Variants in DPYD observed in about 807,000 individuals in gnomAD.
The protein encoded by DPYD is dihydropyrimidine dehydrogenase [NADP(+)].
A neutral mutation model predicts 116.2 loss-of-function variants in DPYD; 109 were observed. That is an observed-to-expected ratio of 0.94 (90% CI 0.80 to 1.10). The LOEUF (loss-of-function observed/expected upper bound fraction) is 1.10, where lower values mean the gene tolerates loss of function less well. Ranked by LOEUF, DPYD falls within the 50% of genes least tolerant of loss-of-function variation. The pLI, the probability that DPYD is intolerant of heterozygous loss-of-function variation, is 0.00. For synonymous variants in DPYD, 440 were observed against 432.0 expected (o/e 1.02, Z -0.23); for missense variants, 1,302 against 1,254.5 (o/e 1.04, Z -0.57).
chr1:97,213,012 G>A (rs188760673), intron 19 of DPYD, among the ~76,000 whole-genome samples: 4 of 152,214 alleles, frequency 2.6e-5, no homozygotes, highest in Admixed American at 2.6e-4. Context: ...AAGGTGTCTG[G>A]TGAAGACTTG....
At chr1:97,780,812 C>T (rs371337818) in intron 3 of DPYD, among the ~76,000 whole-genome samples, 2 of 152,186 alleles carry the variant, frequency 1.3e-5, no homozygotes, top group Admixed American at 6.6e-5. Context: ...AAAATTTGGT[C>T]GCTCAATTTG....
At position 97,856,086 on chromosome 1, in the gene DPYD, C is replaced by A. The variant is rs986961139; in HGVS notation, c.150+27178G>T. The A allele has an allele frequency of 4.6e-5, 7 of 152,068 alleles. 1 individual carries two copies. The South Asian group carries it at 1.2e-3, about 27-fold the overall frequency. 9.4% of individuals were successfully genotyped at this position (152,068 alleles called of 1,614,324 possible). A position where few individuals can be genotyped will look rare whatever the true frequency, so the allele number is the denominator to read the frequency against. On this transcript the variant is annotated intron_variant, in intron 2 of 22. Coordinates refer to ENST00000370192, the MANE Select transcript of DPYD (RefSeq NM_000110.4). ...AATGGAGCTGAGTTATTTAGAAAAT[C>A]TTGATTCAAAAAACATGAATGCTCA... is the stretch of plus-strand genomic sequence containing the variant.
intron 12 of DPYD, among the ~76,000 whole-genome samples, chr1:97,518,897 A>T (rs1467254240): frequency 3.3e-5 from 5 of 152,134 alleles, no homozygotes. Flanking sequence ...ATAATATTAT[A>T]TGTAAATTCC....
chr1:97,618,292 CA>C (rs71801601), intron 8 of DPYD, among the ~76,000 whole-genome samples: 22,904 of 149,834 alleles, frequency 0.15, 1,986 homozygotes, highest in African/African-American at 0.22. Flanking sequence ...CAGAAATTGA[CA>C]AAAAAAATCA....
intron 8 of DPYD, among the ~76,000 whole-genome samples, chr1:97,652,898 G>T (rs1658670451): frequency 6.6e-6 from 1 of 152,050 alleles, no homozygotes; most frequent in Admixed American, 6.5e-5. Flanking sequence ...CCCTCAGCAT[G>T]CTTCCTAGGC....
chr1:97,553,195 T>C (rs1162536985), intron 11 of DPYD, among the ~76,000 whole-genome samples: 1 of 151,988 alleles, frequency 6.6e-6, no homozygotes, highest in Non-Finnish European at 1.5e-5. Flanking sequence ...ATTTGATTCA[T>C]ACTATATATG....
intron 13 of DPYD, among the ~76,000 whole-genome samples, chr1:97,464,005 G>A (rs140345556): frequency 1.1e-3 from 171 of 152,182 alleles, no homozygotes; most frequent in African/African-American, 3.9e-3. Flanking sequence ...TTGGGAGGCT[G>A]TGGTGGGCAG....
chr1:97,731,657 T>A (rs1663619889), intron 4 of DPYD, among the ~76,000 whole-genome samples: 1 of 152,040 alleles, frequency 6.6e-6, no homozygotes, highest in South Asian at 2.1e-4. Context: ...AGCTGTGTCA[T>A]TAGCTTTGCT....
At chr1:97,914,869 A>G (rs546121002) in intron 1 of DPYD, among the ~76,000 whole-genome samples, 28 of 152,164 alleles carry the variant, frequency 1.8e-4, no homozygotes, top group Non-Finnish European at 3.5e-4. Flanking sequence ...TTATAAATCT[A>G]TAATGCACCT....
chr1:97,618,734 C>A (rs1306898266), intron 8 of DPYD, among the ~76,000 whole-genome samples: 1 of 152,116 alleles, frequency 6.6e-6, no homozygotes, highest in Admixed American at 6.6e-5. Flanking sequence ...CAGGTAGCCA[C>A]ACTTCAGAAA....
At chr1:97,248,566 A>T (rs1037056645) in intron 18 of DPYD, among the ~76,000 whole-genome samples, 3 of 152,162 alleles carry the variant, frequency 2.0e-5, no homozygotes, top group Admixed American at 2.0e-4. Context: ...AAATCAATTA[A>T]TGTAATTCAC....
intron 21 of DPYD, among the ~76,000 whole-genome samples, chr1:97,089,044 A>G (rs533617464): frequency 9.9e-5 from 15 of 152,160 alleles, no homozygotes; most frequent in South Asian, 2.1e-4. Context: ...TCACAATTCA[A>G]TTGAAATAAT....
At chr1:97,893,884 C>A (rs375867367) in intron 1 of DPYD, among the ~76,000 whole-genome samples, 2 of 151,662 alleles carry the variant, frequency 1.3e-5, no homozygotes, top group African/African-American at 2.4e-5. Context: ...AAAAAAAAGT[C>A]TTTTTATTGT....
At chr1:97,366,287 T>C (rs564786826) in intron 16 of DPYD, among the ~76,000 whole-genome samples, 14 of 152,132 alleles carry the variant, frequency 9.2e-5, no homozygotes, top group Non-Finnish European at 2.1e-4. Flanking sequence ...TTTTTTTTGA[T>C]TAGAGATAGT....
intron 19 of DPYD, among the ~76,000 whole-genome samples, chr1:97,199,175 T>A (rs1465577451): frequency 6.6e-6 from 1 of 152,182 alleles, no homozygotes; most frequent in Non-Finnish European, 1.5e-5. Context: ...CTTCTTTACA[T>A]ACATTATTTC....
chr1:97,251,409 A>T (rs924460684), intron 18 of DPYD, among the ~76,000 whole-genome samples: 7 of 146,424 alleles, frequency 4.8e-5, no homozygotes, highest in African/African-American at 1.7e-4. Context: ...AAAAAAAAAA[A>T]AAAAGAAAGA....
intron 3 of DPYD, among the ~76,000 whole-genome samples, chr1:97,753,610 A>T (rs992989093): frequency 2.3e-4 from 35 of 152,222 alleles, no homozygotes; most frequent in African/African-American, 8.2e-4. Flanking sequence ...GACTGAATTT[A>T]GAAACAAGCA....
At chr1:97,907,087 G>A (rs1315066976) in intron 1 of DPYD, among the ~76,000 whole-genome samples, 4 of 152,092 alleles carry the variant, frequency 2.6e-5, no homozygotes, top group East Asian at 3.9e-4. Context: ...TGGACAAAGC[G>A]ATGAGTCATG....
chr1:97,695,856 G>A (rs549533064), intron 6 of DPYD, among the ~76,000 whole-genome samples: 31 of 152,092 alleles, frequency 2.0e-4, no homozygotes, highest in African/African-American at 6.8e-4. Flanking sequence ...GTGGCCGGGC[G>A]CAGTGGCTCA....
Sources: gnomAD v4.1 joint callset for allele counts (sites outside exome capture counted in the v4.1 genomes callset) on GRCh38, gnomAD v4.1.1 for gene constraint, MANE v1.5 for transcripts, NCBI Gene and HGNC (gene_info 2026-07-23, HGNC 2026-07-21) for gene names.